Variants in RBPMS observed in about 807,000 individuals in gnomAD.
RBPMS encodes the protein RNA binding protein, mRNA processing factor.
In RBPMS, 7 loss-of-function variants were observed where a neutral mutation model predicts 26.8. The observed-to-expected ratio is 0.26, with a 90% CI of 0.15 to 0.49. The LOEUF is 0.49. RBPMS is among the 20% of genes least tolerant of loss of function. The probability of loss-of-function intolerance (pLI) is 0.98; values close to 1 mark genes in which losing one functional copy is unlikely to be tolerated. For synonymous variants in RBPMS, 96 were observed against 93.3 expected (o/e 1.03, Z -0.17); for missense variants, 186 against 250.0 (o/e 0.74, Z 1.73).
intron 5 of RBPMS, among the ~76,000 whole-genome samples, chr8:30,522,102 A>C (rs1181332689): frequency 6.6e-6 from 1 of 151,478 alleles, no homozygotes; most frequent in African/African-American, 2.4e-5. Context: ...TATGTTAATT[A>C]ACTTGATTTA....
intron 5 of RBPMS, among the ~76,000 whole-genome samples, chr8:30,535,291 T>A (rs1405672415): frequency 1.3e-5 from 2 of 152,254 alleles, no homozygotes; most frequent in African/African-American, 4.8e-5. Context: ...TTCTTGAATA[T>A]GTTCTGTGTG....
chr8:30,561,021 G>A (rs530999826), intron 7 of RBPMS, among the ~76,000 whole-genome samples: 6 of 152,168 alleles, frequency 3.9e-5, no homozygotes, highest in South Asian at 2.1e-4. Context: ...GTGTGTGTGC[G>A]CGCCTAAGTA....
In RBPMS at chr8:30,433,446, G is replaced by A. The variant is rs187554499; in HGVS notation, c.67-41333G>A. 4.0e-3 allele frequency among the ~76,000 whole-genome samples: 602 copies of A among 152,302 alleles called. 10 individuals carry two copies. Among genetic ancestry groups the A allele is most frequent in the Non-Finnish European group, 4.4e-3 (296 of 68,026 alleles). ...TACCCAAAAGTTGTATCATGATCAA[G>A]GATCGCTTGAACCCAGGAGTTTGAG... On this transcript the variant is annotated intron_variant, in intron 1 of 8. Transcript: ENST00000397323.
chr8:30,446,800 T>TGTGC (rs1554515684), intron 1 of RBPMS: 1 of 46,742 alleles, frequency 2.1e-5, no homozygotes, highest in African/African-American at 1.1e-4. Flanking sequence ...ATGGCTTGTG[T>TGTGC]GTGTGTGTGT....
At chr8:30,556,805 G>GTTCT (rs1054100323) in intron 6 of RBPMS, 1 of 985,582 alleles carries the variant, frequency 1.0e-6, no homozygotes, top group South Asian at 4.7e-5. Context: ...GTAGGTATGA[G>GTTCT]TTCTTTCTTC....
At chr8:30,392,414 A>G (rs940160562) in intron 1 of RBPMS, among the ~76,000 whole-genome samples, 1 of 152,082 alleles carries the variant, frequency 6.6e-6, no homozygotes, top group Non-Finnish European at 1.5e-5. Flanking sequence ...AAGAAGGGGA[A>G]GGAAGAATGA....
At chr8:30,506,697 C>T (rs953518570) in intron 5 of RBPMS, among the ~76,000 whole-genome samples, 1 of 152,032 alleles carries the variant, frequency 6.6e-6, no homozygotes, top group African/African-American at 2.4e-5. Context: ...TTGGAAAGGC[C>T]CTGAAGGCTA....
intron 1 of RBPMS, among the ~76,000 whole-genome samples, chr8:30,469,326 A>G (rs1199095495): frequency 6.6e-6 from 1 of 152,266 alleles, no homozygotes; most frequent in Non-Finnish European, 1.5e-5. Context: ...AAGACAGTCA[A>G]TAAAATGTGT....
At chr8:30,485,723 C>T (rs935986825) in intron 4 of RBPMS, among the ~76,000 whole-genome samples, 2 of 152,144 alleles carry the variant, frequency 1.3e-5, no homozygotes, top group African/African-American at 2.4e-5. Flanking sequence ...GTTGACTCAC[C>T]GTGAAAGGCA....
chr8:30,505,847 T>A (rs893721368), intron 5 of RBPMS, among the ~76,000 whole-genome samples: 1 of 152,206 alleles, frequency 6.6e-6, no homozygotes, highest in Non-Finnish European at 1.5e-5. Context: ...TTCTTCTCTC[T>A]TGATCAAGGC....
At chr8:30,427,688 C>T (rs956174884) in intron 1 of RBPMS, among the ~76,000 whole-genome samples, 5 of 152,174 alleles carry the variant, frequency 3.3e-5, no homozygotes, top group African/African-American at 4.8e-5. Flanking sequence ...TTGTCTTAAT[C>T]GTCTTTGATC....
chr8:30,461,692 G>A (rs1815929526), intron 1 of RBPMS, among the ~76,000 whole-genome samples: 1 of 152,314 alleles, frequency 6.6e-6, no homozygotes, highest in South Asian at 2.1e-4. Context: ...ACCGCACCCG[G>A]CCTCATGTAC....
chr8:30,549,795 T>TCTCC (rs1298441943), intron 6 of RBPMS, among the ~76,000 whole-genome samples: 35 of 100,752 alleles, frequency 3.5e-4, no homozygotes, highest in South Asian at 2.1e-3. Context: ...TCTCTCTCTC[T>TCTCC]CCCCTCTCTC....
chr8:30,536,124 C>T (rs990158259), intron 5 of RBPMS, among the ~76,000 whole-genome samples: 1 of 130,748 alleles, frequency 7.6e-6, no homozygotes, highest in African/African-American at 2.8e-5. Context: ...GAGATCATCT[C>T]TCTCTTTTTT....
chr8:30,520,974 C>T (rs898485764), intron 5 of RBPMS, among the ~76,000 whole-genome samples: 1 of 151,968 alleles, frequency 6.6e-6, no homozygotes, highest in Non-Finnish European at 1.5e-5. Context: ...AAAGGTGGGA[C>T]ATGTAATAGC....
intron 1 of RBPMS, among the ~76,000 whole-genome samples, chr8:30,452,838 A>G (rs1243268805): frequency 4.6e-5 from 7 of 152,192 alleles, no homozygotes; most frequent in African/African-American, 1.4e-4. Flanking sequence ...TCTAAAAACT[A>G]TCCTTTTCAC....
At chr8:30,532,773 C>CAA (rs913953675) in intron 5 of RBPMS, among the ~76,000 whole-genome samples, 2 of 152,176 alleles carry the variant, frequency 1.3e-5, no homozygotes, top group African/African-American at 4.8e-5. Flanking sequence ...TCTTCGGACA[C>CAA]TTTTCAGATG....
At chr8:30,551,427 A>G (rs891371663) in intron 6 of RBPMS, among the ~76,000 whole-genome samples, 3 of 152,198 alleles carry the variant, frequency 2.0e-5, no homozygotes, top group Admixed American at 6.5e-5. Context: ...TAGAAATCAC[A>G]GTATTATTCA....
intron 6 of RBPMS, chr8:30,547,459 A>G: frequency 6.3e-7 from 1 of 1,575,608 alleles, no homozygotes; most frequent in Non-Finnish European, 8.6e-7. Context: ...CTTTCACAAA[A>G]ACTATTTCTT....
Sources: gnomAD v4.1 joint callset for allele counts (sites outside exome capture counted in the v4.1 genomes callset) on GRCh38, gnomAD v4.1.1 for gene constraint, MANE v1.5 for transcripts, NCBI Gene and HGNC (gene_info 2026-07-23, HGNC 2026-07-21) for gene names.